The following WASF2 variants were observed in gnomAD, a reference collection of about 807,000 sequenced individuals.
WASF2 encodes actin-binding protein WASF2.
WASF2 carries 14 observed loss-of-function variants against 45.0 expected under a neutral mutation model. The observed-to-expected ratio is 0.31, with a 90% CI of 0.21 to 0.49. The LOEUF (loss-of-function observed/expected upper bound fraction) is 0.49. Among genes scored for constraint, WASF2 ranks in the 20% least tolerant of loss-of-function variants. The pLI is 0.99. For synonymous variants in WASF2, 200 were observed against 236.3 expected, an observed-to-expected ratio of 0.85 and a Z score of 1.41; for missense variants, 439 against 636.1, an observed-to-expected ratio of 0.69 and a Z score of 3.33.
At chr1:27,430,812 A>T (rs1036436256) in intron 1 of WASF2, among the ~76,000 whole-genome samples, 37 of 135,384 alleles carry the variant, frequency 2.7e-4, no homozygotes, top group South Asian at 4.4e-4. Context: ...TTATATATTT[A>T]AAAAAAAAAA....
intron 1 of WASF2, among the ~76,000 whole-genome samples, chr1:27,454,037 A>C (rs182574406): frequency 7.7e-4 from 117 of 150,994 alleles, no homozygotes; most frequent in Middle Eastern, 3.4e-3. Context: ...TCACATTTCT[A>C]TCTCTAAATG....
chr1:27,449,517 T>C (rs995869183), intron 1 of WASF2, among the ~76,000 whole-genome samples: 4 of 151,552 alleles, frequency 2.6e-5, no homozygotes, highest in African/African-American at 9.7e-5. Flanking sequence ...GAGAATCACC[T>C]GAACCCAGGA....
chr1:27,481,828 A>C (rs527369960), intron 1 of WASF2, among the ~76,000 whole-genome samples: 1 of 152,368 alleles, frequency 6.6e-6, no homozygotes, highest in South Asian at 2.1e-4. Context: ...CAGAAAGAAA[A>C]ACAGAGCTTG....
chr1:27,474,197 G>A lies in WASF2; in HGVS notation c.-44+15789C>T, dbSNP rs561327422. Among the ~76,000 whole-genome samples, 8 of 152,258 alleles carry A rather than the reference G, an allele frequency of 5.3e-5. No individual in the cohort carries two copies. In the South Asian group the frequency reaches 6.2e-4, roughly 12 times the overall value. ...ATGAGTTGATACTTGTTGAGGCTAGGAGATAGATACATAGGAGTTCATTAC... is the reference window on the plus strand; with the variant it reads ...ATGAGTTGATACTTGTTGAGGCTAGAAGATAGATACATAGGAGTTCATTAC... On this transcript the variant is annotated intron_variant, in intron 1 of 8. Transcript: ENST00000618852.
At chr1:27,470,684 G>A (rs2017676502) in intron 1 of WASF2, among the ~76,000 whole-genome samples, 1 of 152,108 alleles carries the variant, frequency 6.6e-6, no homozygotes, top group Non-Finnish European at 1.5e-5. Flanking sequence ...GAGTGGGGTG[G>A]GCAGGAGATA....
intron 1 of WASF2, among the ~76,000 whole-genome samples, chr1:27,449,653 T>C (rs970328354): frequency 6.6e-6 from 1 of 151,966 alleles, no homozygotes; most frequent in Non-Finnish European, 1.5e-5. Context: ...TTGCTTCTTG[T>C]GCTTTGGCTC....
At chr1:27,487,921 A>G (rs911898761) in intron 1 of WASF2, among the ~76,000 whole-genome samples, 1 of 151,160 alleles carries the variant, frequency 6.6e-6, no homozygotes, top group African/African-American at 2.4e-5. Context: ...AGGGTTTAAG[A>G]TTTAAAATTA....
chr1:27,413,163 C>G (rs180716729), intron 6 of WASF2, among the ~76,000 whole-genome samples: 3 of 152,274 alleles, frequency 2.0e-5, no homozygotes, highest in African/African-American at 7.2e-5. Flanking sequence ...GGTCAGCAAG[C>G]CTCTGGAGAG....
rs531367931 is a variant in WASF2 at position 27,487,450 on chromosome 1, AAT to A, written c.-44+2534_-44+2535del. ...TATATTTAATATATATACAAATATA[AAT>A]ATATATTTATATAAATATATTTTAT... is the stretch of plus-strand genomic sequence containing the variant. On this transcript the variant is annotated intron_variant, in intron 1 of 8. Coordinates refer to ENST00000618852, the MANE Select transcript of WASF2 (RefSeq NM_006990.5). 3.3e-5 allele frequency among the ~76,000 whole-genome samples: 4 copies of A among 121,140 alleles called. No homozygotes were observed. In the South Asian group the frequency reaches 6.5e-4, roughly 20 times the overall value. 79.5% of individuals were successfully genotyped at this position (121,140 alleles called of 152,430 possible).
In WASF2 at chr1:27,481,527, C is replaced by T. The variant is rs188286976; in HGVS notation, c.-44+8459G>A. ...CAGCCTGGCCAACATGACAAAACCC[C>T]GTCTCTACTAAAAATACAAAAATTA... On this transcript the variant is annotated intron_variant, in intron 1 of 8. Transcript: ENST00000618852. Among the ~76,000 whole-genome samples, 9 of 152,126 alleles carry T rather than the reference C, an allele frequency of 5.9e-5. No individual in the cohort carries two copies. The East Asian group carries it at 1.6e-3, about 26-fold the overall frequency.
chr1:27,426,186 A>T (rs1173292935), intron 2 of WASF2, among the ~76,000 whole-genome samples: 3 of 152,256 alleles, frequency 2.0e-5, no homozygotes, highest in Admixed American at 2.0e-4. Context: ...TACTCTGACT[A>T]TAAAAACACT....
chr1:27,455,081 T>C (rs2017450181), intron 1 of WASF2, among the ~76,000 whole-genome samples: 1 of 152,152 alleles, frequency 6.6e-6, no homozygotes, highest in Non-Finnish European at 1.5e-5. Flanking sequence ...TTTACACTTC[T>C]GCTTGCAGAG....
intron 2 of WASF2, among the ~76,000 whole-genome samples, chr1:27,427,063 T>C (rs1434869040): frequency 1.3e-5 from 2 of 152,180 alleles, no homozygotes; most frequent in Non-Finnish European, 2.9e-5. Flanking sequence ...CAATTTCTTA[T>C]TATTGCCTCT....
intron 6 of WASF2, among the ~76,000 whole-genome samples, chr1:27,413,943 C>T (rs185797917): frequency 2.4e-4 from 37 of 152,302 alleles, no homozygotes; most frequent in African/African-American, 8.2e-4. Context: ...TCTTAATCCA[C>T]GAAGAACAAG....
At chr1:27,418,750 G>A (rs1022111376) in intron 3 of WASF2, among the ~76,000 whole-genome samples, 3 of 152,162 alleles carry the variant, frequency 2.0e-5, no homozygotes, top group African/African-American at 7.2e-5. Context: ...AGGAATTGGG[G>A]GAATGGGAGA....
intron 1 of WASF2, among the ~76,000 whole-genome samples, chr1:27,432,442 A>T: frequency 6.6e-6 from 1 of 151,880 alleles, no homozygotes; most frequent in East Asian, 1.9e-4. Flanking sequence ...AGGTCAGGAG[A>T]TCGAGACCAT....
intron 1 of WASF2, among the ~76,000 whole-genome samples, chr1:27,467,537 G>A (rs1444440489): frequency 2.7e-5 from 4 of 150,086 alleles, no homozygotes; most frequent in African/African-American, 7.3e-5. Context: ...TCCTGACCTC[G>A]TGATCCGCCC....
At chr1:27,432,814 AG>A (rs1260450806) in intron 1 of WASF2, among the ~76,000 whole-genome samples, 1 of 152,238 alleles carries the variant, frequency 6.6e-6, no homozygotes, top group East Asian at 1.9e-4. Context: ...CCCAGGTTGG[AG>A]TGCAGTGGCA....
chr1:27,460,125 T>C (rs2017524742), intron 1 of WASF2, among the ~76,000 whole-genome samples: 1 of 152,194 alleles, frequency 6.6e-6, no homozygotes, highest in South Asian at 2.1e-4. Context: ...CAGTAATATT[T>C]CTCTGCCAGT....
Sources: allele counts gnomAD v4.1 joint callset (sites outside exome capture counted in the v4.1 genomes callset), GRCh38; gene constraint gnomAD v4.1.1; transcripts MANE v1.5; gene names NCBI Gene and HGNC (gene_info 2026-07-23, HGNC 2026-07-21).